The following CCDC175 variants were observed in gnomAD, a reference collection of about 807,000 sequenced individuals.
The protein encoded by CCDC175 is coiled-coil domain containing 175, also known as coiled-coil domain-containing protein 175.
CCDC175 carries 100 observed loss-of-function variants against 114.6 expected under a neutral mutation model. That is an observed-to-expected ratio of 0.87 (90% CI 0.74 to 1.03). The LOEUF (loss-of-function observed/expected upper bound fraction) is 1.03. Among genes scored for constraint, CCDC175 ranks in the 50% least tolerant of loss-of-function variants. The pLI is 0.00. For synonymous variants in CCDC175, 306 were observed against 308.7 expected (o/e 0.99, Z 0.09); for missense variants, 880 against 917.8 (o/e 0.96, Z 0.53).
intron 14 of CCDC175, among the ~76,000 whole-genome samples, chr14:59,531,464 T>C (rs573014975): frequency 6.6e-6 from 1 of 152,266 alleles, no homozygotes; most frequent in East Asian, 1.9e-4. Flanking sequence ...TTCCACATGG[T>C]AGCAAACAAA....
chr14:59,554,963 G>A (rs1462414523), intron 7 of CCDC175, among the ~76,000 whole-genome samples: 2 of 152,120 alleles, frequency 1.3e-5, no homozygotes, highest in Non-Finnish European at 2.9e-5. Flanking sequence ...CTGAAAGTGA[G>A]GCAATAATTA....
chr14:59,511,748 C>CG lies in CCDC175; in HGVS notation c.2142+11dup, dbSNP rs2139953754. The CG allele has an allele frequency of 6.5e-7, 1 of 1,533,988 alleles. No individual in the cohort carries two copies. The highest frequency in any genetic ancestry group is 2.4e-5 in the East Asian group (1 of 40,894). On this transcript the variant is annotated intron_variant, in intron 18 of 19. Transcript: ENST00000537690. ...TATTTATATGGAGGCAACAGACACA[C>CG]GCAAAACTCACCTTAACTGTGGTCT... is the stretch of plus-strand genomic sequence containing the variant.
intron 13 of CCDC175, 42 bp downstream of exon 13, chr14:59,537,981 G>A (rs1196648258): frequency 2.9e-6 from 4 of 1,386,498 alleles, no homozygotes; most frequent in Non-Finnish European, 3.9e-6. Context: ...TCCCCCTCAT[G>A]TAGTCATCCA....
intron 8 of CCDC175, chr14:59,551,032 C>G (rs143200314): frequency 1.1e-5 from 2 of 175,644 alleles, no homozygotes; most frequent in African/African-American, 4.7e-5. Context: ...GCGTAGCACA[C>G]AACAGCAAGA....
At chr14:59,516,467 T>TA (rs1240806502) in intron 17 of CCDC175, among the ~76,000 whole-genome samples, 1 of 149,710 alleles carries the variant, frequency 6.7e-6, no homozygotes, top group African/African-American at 2.4e-5. Flanking sequence ...ATAGACGCAA[T>TA]AAAAAATGAT....
intron 6 of CCDC175, 49 bp downstream of exon 6, chr14:59,563,688 G>A: frequency 8.6e-7 from 1 of 1,162,822 alleles, no homozygotes; most frequent in African/African-American, 1.6e-5. Context: ...CTTTTTTATT[G>A]AGGTGCCTAG....
chr14:59,515,016 A>T (rs7151026), intron 17 of CCDC175, among the ~76,000 whole-genome samples: 65,379 of 151,972 alleles, frequency 0.43, 14,589 homozygotes, highest in African/African-American at 0.54. Context: ...AATATTCAAC[A>T]TTCTTAAAGA....
chr14:59,537,967 C>G (rs879025749), intron 13 of CCDC175, 56 bp downstream of exon 13: 63 of 1,123,530 alleles, frequency 5.6e-5, no homozygotes, highest in Non-Finnish European at 6.6e-5. Flanking sequence ...AATATTATTC[C>G]CCCTCCCCCT....
chr14:59,519,817 T>C (rs937281394), intron 17 of CCDC175, among the ~76,000 whole-genome samples: 7 of 152,204 alleles, frequency 4.6e-5, no homozygotes, highest in Non-Finnish European at 1.0e-4. Context: ...TGACTGAAGC[T>C]AGGTCATAAG....
At chr14:59,514,214 G>GA (rs1892926139) in intron 17 of CCDC175, among the ~76,000 whole-genome samples, 1 of 152,120 alleles carries the variant, frequency 6.6e-6, no homozygotes, top group Non-Finnish European at 1.5e-5. Context: ...CAAAGATGGG[G>GA]AAAAAACAGA....
rs201430805 is a variant in CCDC175 at position 59,505,451 on chromosome 14, G to A, written c.2306-136C>T. ...TTGTATAATCGGGGTAGAGTAGGGA[G>A]GGGTGTCATGTGTCTGATTACTAGG... On this transcript the variant is annotated intron_variant, in intron 19 of 19. Coordinates refer to ENST00000537690, the MANE Select transcript of CCDC175 (RefSeq NM_001164399.2). The A allele has an allele frequency of 5.7e-3, 5 of 876 alleles. No homozygotes were observed. The Non-Finnish European group carries it at 0.36, about 63-fold the overall frequency. 0.1% of individuals were successfully genotyped at this position (876 alleles called of 1,614,324 possible).
intron 4 of CCDC175, among the ~76,000 whole-genome samples, chr14:59,566,746 G>A (rs1228208829): frequency 6.6e-6 from 1 of 152,138 alleles, no homozygotes; most frequent in Non-Finnish European, 1.5e-5. Flanking sequence ...AATTTGCCCA[G>A]GACAGGAGAC....
At chr14:59,549,000 G>A (rs1301282893) in intron 8 of CCDC175, among the ~76,000 whole-genome samples, 2 of 152,208 alleles carry the variant, frequency 1.3e-5, no homozygotes, top group East Asian at 3.8e-4. Flanking sequence ...GAAAGAAAAG[G>A]TGGTGAACAA....
chr14:59,551,619 G>A (rs1407613148), intron 7 of CCDC175, among the ~76,000 whole-genome samples, 183 bp from the exon 8 acceptor site: 1 of 152,286 alleles, frequency 6.6e-6, no homozygotes, highest in Non-Finnish European at 1.5e-5. Flanking sequence ...TGGACAGTGG[G>A]TGCAGGACAG....
intron 3 of CCDC175, among the ~76,000 whole-genome samples, chr14:59,572,161 A>C (rs1360093131): frequency 6.6e-6 from 1 of 152,234 alleles, no homozygotes; most frequent in Non-Finnish European, 1.5e-5. Flanking sequence ...TATTCACAAC[A>C]GCTAAAAGAT....
At chr14:59,573,649 C>T (rs1452699266) in intron 2 of CCDC175, among the ~76,000 whole-genome samples, 1 of 143,808 alleles carries the variant, frequency 7.0e-6, no homozygotes, top group African/African-American at 2.6e-5. Context: ...GAATCTCACT[C>T]TGTTGACCAG....
intron 17 of CCDC175, among the ~76,000 whole-genome samples, chr14:59,512,549 C>G (rs1892814390): frequency 6.6e-6 from 1 of 152,000 alleles, no homozygotes; most frequent in South Asian, 2.1e-4. Context: ...TGATTTTACT[C>G]TATCTTTCAC....
At position 59,555,556 on chromosome 14, in the gene CCDC175, T is replaced by C. The variant is rs557049679; in HGVS notation, c.954-4120A>G. ...AGCATTCCCTTGGAAAACTGGCACA[T>C]CACAAGGATGACCTCTCTCACCACT... On this transcript the variant is annotated intron_variant, in intron 7 of 19. Coordinates refer to ENST00000537690, the MANE Select transcript of CCDC175 (RefSeq NM_001164399.2). 1.5e-3 allele frequency among the ~76,000 whole-genome samples: 228 copies of C among 152,170 alleles called. 2 individuals carry two copies. The highest frequency in any genetic ancestry group is 5.3e-3 in the African/African-American group (221 of 41,526).
chr14:59,548,924 A>C (rs1202409885), intron 8 of CCDC175, among the ~76,000 whole-genome samples: 1 of 152,206 alleles, frequency 6.6e-6, no homozygotes, highest in East Asian at 1.9e-4. Context: ...GCTTTGTAAA[A>C]GAGGGAGAAG....
Sources: allele counts gnomAD v4.1 joint callset (sites outside exome capture counted in the v4.1 genomes callset), GRCh38; gene constraint gnomAD v4.1.1; transcripts MANE v1.5; gene names NCBI Gene and HGNC (gene_info 2026-07-23, HGNC 2026-07-21).